The following OAS3 variants were observed in gnomAD, a reference collection of about 807,000 sequenced individuals.
OAS3 encodes the protein 2'-5'-oligoadenylate synthetase 3, also known as 2'-5'-oligoadenylate synthase 3.
A neutral mutation model predicts 113.0 loss-of-function variants in OAS3; 107 were observed. The ratio of observed to expected loss-of-function variants is 0.95; its 90% confidence interval spans 0.81 to 1.11. OAS3 has a LOEUF of 1.11. Among genes scored for constraint, OAS3 ranks in the 50% most tolerant of loss-of-function variants. OAS3 has a pLI of 0.00. For synonymous variants in OAS3, 552 were observed against 573.6 expected (o/e 0.96, Z 0.54); for missense variants, 1,258 against 1,389.1 (o/e 0.91, Z 1.50).
At chr12:112,962,579 C>T in intron 8 of OAS3, 73 bp from the exon 9 acceptor site, 1 of 1,526,778 alleles carries the variant, frequency 6.5e-7, no homozygotes. Flanking sequence ...TCCCTTCCTG[C>T]CCCAAGTGCT....
rs1187850385 is a variant in OAS3, at chr12:112,944,559, G to A, written c.544G>A (p.Ala182Thr). 1 of 1,614,070 alleles carries A rather than the reference G, an allele frequency of 6.2e-7. No homozygotes were observed. Among genetic ancestry groups the A allele is most frequent in the Non-Finnish European group, 8.5e-7 (1 of 1,179,894 alleles). Residue 182 changes from alanine (A) to threonine (T), a missense_variant, in exon 3 of 16, where the codon GCC becomes ACC. Coordinates refer to ENST00000228928, the MANE Select transcript of OAS3 (RefSeq NM_006187.4). The stretch of plus-strand genomic sequence containing the variant: ...TGGCTGCCAAGGGGGCGAGCATGCG[G>A]CCTGCTTCACAGAGCTGCGGAGGAA... ...NSGCQGGEHA[A>T]CFTELRRNFV...
intron 3 of OAS3, among the ~76,000 whole-genome samples, chr12:112,945,743 A>G (rs1412923378): frequency 6.6e-6 from 1 of 152,166 alleles, no homozygotes; most frequent in African/African-American, 2.4e-5. Context: ...ACTTGCACAT[A>G]AAGAAATATA....
chr12:112,956,042 A>G (rs1451850661), intron 7 of OAS3, among the ~76,000 whole-genome samples: 1 of 152,290 alleles, frequency 6.6e-6, no homozygotes, highest in East Asian at 1.9e-4. Context: ...CAGGGATTCA[A>G]CTTCTTCCTG....
intron 14 of OAS3, among the ~76,000 whole-genome samples, chr12:112,968,955 A>G (rs1180738744): frequency 6.6e-6 from 1 of 152,248 alleles, no homozygotes; most frequent in Non-Finnish European, 1.5e-5. Context: ...CTCAAGATGC[A>G]TCTCCAGTCA....
At chr12:112,951,593 G>A (rs911975169) in intron 7 of OAS3, among the ~76,000 whole-genome samples, 9 of 151,842 alleles carry the variant, frequency 5.9e-5, no homozygotes, top group African/African-American at 1.7e-4. Context: ...GTTTGCTTTC[G>A]GCATTTACTT....
chr12:112,941,370 T>G (rs2043678061), intron 1 of OAS3, among the ~76,000 whole-genome samples, 200 bp from the exon 2 acceptor site: 1 of 152,124 alleles, frequency 6.6e-6, no homozygotes, highest in Non-Finnish European at 1.5e-5. Context: ...AAAAAAATCA[T>G]GAGTTTACAT....
intron 1 of OAS3, 85 bp from the exon 2 acceptor site, chr12:112,941,485 A>G: frequency 1.4e-6 from 2 of 1,458,210 alleles, no homozygotes; most frequent in Non-Finnish European, 1.9e-6. Flanking sequence ...TCCCCAGCAC[A>G]CTTGCCTCAC....
intron 12 of OAS3, 135 bp downstream of exon 12, chr12:112,966,164 C>A: frequency 1.1e-6 from 1 of 930,070 alleles, no homozygotes; most frequent in Non-Finnish European, 1.6e-6. Context: ...TGTGTATGTT[C>A]ATCACAACTT....
At chr12:112,943,639 C>T (rs1334235035) in intron 2 of OAS3, among the ~76,000 whole-genome samples, 1 of 152,170 alleles carries the variant, frequency 6.6e-6, no homozygotes, top group East Asian at 1.9e-4. Context: ...GGATGAAGAA[C>T]TGTACTTGCC....
At position 112,963,546 on chromosome 12, in the gene OAS3, T is replaced by G; in HGVS notation, c.2229+89T>G. The stretch of plus-strand genomic sequence containing the variant: ...ACCTGCCGGTGCACCCATCCCCAGC[T>G]GCTAGGAGTGTTGGTGGCTGACAAC... On this transcript the variant is annotated intron_variant, in intron 10 of 15. Coordinates refer to ENST00000228928, the MANE Select transcript of OAS3 (RefSeq NM_006187.4). The surrounding 1 kb of genome is among the most constrained non-coding windows in gnomAD (Gnocchi z 4.6). 1 of 1,302,272 alleles carries G rather than the reference T, an allele frequency of 7.7e-7. No individual in the cohort carries two copies. The highest frequency in any genetic ancestry group is 1.0e-6 in the Non-Finnish European group (1 of 995,464). 80.7% of individuals were successfully genotyped at this position (1,302,272 alleles called of 1,614,324 possible). A position where few individuals can be genotyped will look rare whatever the true frequency, so the allele number is the denominator to read the frequency against.
At chr12:112,949,229 AG>A in intron 6 of OAS3, 24 bp downstream of exon 6, 1 of 1,573,626 alleles carries the variant, frequency 6.4e-7, no homozygotes. Flanking sequence ...GTGGAGACAC[AG>A]GGGGGACCCT....
In OAS3 at chr12:112,963,710, C is replaced by T. The variant is rs1314359929; in HGVS notation, c.2229+253C>T. 2.0e-5 allele frequency among the ~76,000 whole-genome samples: 3 copies of T among 152,214 alleles called. No individual in the cohort carries two copies. Among genetic ancestry groups the T allele is most frequent in the East Asian group, 1.9e-4 (1 of 5,194 alleles). ...GGAACCGATTCTGTGATGCAACTCA[C>T]GTTCCAGCGCTCCCTGTGGAATCAG... On this transcript the variant is annotated intron_variant, in intron 10 of 15. Coordinates refer to ENST00000228928, the MANE Select transcript of OAS3 (RefSeq NM_006187.4). The surrounding 1 kb of genome is among the most constrained non-coding windows in gnomAD (Gnocchi z 4.6).
intron 12 of OAS3, 24 bp from the exon 13 acceptor site, chr12:112,967,394 T>C: frequency 6.2e-7 from 1 of 1,600,568 alleles, no homozygotes; most frequent in Non-Finnish European, 8.5e-7. Context: ...GCCGGAGTGA[T>C]GGTAACCATC....
intron 14 of OAS3, among the ~76,000 whole-genome samples, chr12:112,968,718 G>A (rs2043958393): frequency 6.7e-6 from 1 of 148,824 alleles, no homozygotes; most frequent in Non-Finnish European, 1.5e-5. Flanking sequence ...GTTTCACCAT[G>A]TTGGCCAGGC....
chr12:112,962,239 A>T (rs558598877), intron 8 of OAS3, among the ~76,000 whole-genome samples: 1 of 152,318 alleles, frequency 6.6e-6, no homozygotes, highest in East Asian at 1.9e-4. Context: ...CTAACTTGTG[A>T]TGGACACTGG....
At chr12:112,965,118 T>C (rs2043922429) in intron 11 of OAS3, among the ~76,000 whole-genome samples, 1 of 152,208 alleles carries the variant, frequency 6.6e-6, no homozygotes, top group Non-Finnish European at 1.5e-5. Context: ...CAGTCCACAG[T>C]TGGAGAGACA....
chr12:112,944,753 C>T, intron 3 of OAS3, 102 bp downstream of exon 3: 1 of 1,243,822 alleles, frequency 8.0e-7, no homozygotes, highest in Non-Finnish European at 1.2e-6. Flanking sequence ...TTCATGTTCT[C>T]TCTCTGGGAA....
intron 2 of OAS3, among the ~76,000 whole-genome samples, chr12:112,943,746 C>G (rs374145335): frequency 6.6e-6 from 1 of 152,202 alleles, no homozygotes; most frequent in Admixed American, 6.5e-5. Flanking sequence ...CAGAGTTTCG[C>G]TCTGTCCCCC....
chr12:112,961,374 C>A, intron 8 of OAS3, 128 bp downstream of exon 8: 1 of 817,466 alleles, frequency 1.2e-6, no homozygotes, highest in Non-Finnish European at 1.9e-6. Flanking sequence ...GCAGAAGGAC[C>A]GGCCTCCTCC....
Sources: gnomAD v4.1 joint callset for allele counts (sites outside exome capture counted in the v4.1 genomes callset) on GRCh38, gnomAD v4.1.1 for gene constraint, Gnocchi (gnomAD v3.1) non-coding constraint, MANE v1.5 for transcripts, NCBI Gene and HGNC (gene_info 2026-07-23, HGNC 2026-07-21) for gene names.